The following LRP1B variants were observed in gnomAD, a reference collection of about 807,000 sequenced individuals.
LRP1B encodes LDL receptor related protein 1B.
A neutral mutation model predicts 556.6 loss-of-function variants in LRP1B; 217 were observed. That is an observed-to-expected ratio of 0.39 (90% CI 0.35 to 0.44). The LOEUF (loss-of-function observed/expected upper bound fraction) is 0.44. Among genes scored for constraint, LRP1B ranks in the 20% least tolerant of loss-of-function variants. LRP1B has a pLI of 1.00. For synonymous variants in LRP1B, 2,047 were observed against 1,865.8 expected (o/e 1.10, Z -2.50); for missense variants, 5,053 against 5,620.8 (o/e 0.90, Z 3.23).
intron 1 of LRP1B, among the ~76,000 whole-genome samples, chr2:141,815,287 G>C (rs571940445): frequency 6.6e-6 from 1 of 152,300 alleles, no homozygotes; most frequent in East Asian, 1.9e-4. Flanking sequence ...GTTTTCTCAA[G>C]GAACTGAGAA....
At chr2:140,324,672 TTATAGAATA>T (rs1680361561) in intron 80 of LRP1B, among the ~76,000 whole-genome samples, 1 of 152,070 alleles carries the variant, frequency 6.6e-6, no homozygotes, top group Non-Finnish European at 1.5e-5. Flanking sequence ...TTCAGAGATT[TTATAGAATA>T]ATTATTCTAA....
chr2:141,084,518 A>G (rs1700000239), intron 7 of LRP1B, among the ~76,000 whole-genome samples: 1 of 152,220 alleles, frequency 6.6e-6, no homozygotes, highest in South Asian at 2.1e-4. Context: ...TTATAGTACA[A>G]TTTATACTTT....
intron 1 of LRP1B, among the ~76,000 whole-genome samples, chr2:141,878,587 G>T (rs1033268121): frequency 2.6e-5 from 4 of 151,900 alleles, no homozygotes; most frequent in African/African-American, 9.7e-5. Flanking sequence ...TCAAAAGAAA[G>T]ATAGTAATAT....
intron 1 of LRP1B, among the ~76,000 whole-genome samples, chr2:141,956,909 T>C (rs1048740141): frequency 6.6e-6 from 1 of 152,052 alleles, no homozygotes; most frequent in Non-Finnish European, 1.5e-5. Flanking sequence ...GAAAGTTCTT[T>C]AGTGCCCTAA....
rs915319157 is a variant in LRP1B, at chr2:141,540,730, A to G, written c.206-60197T>C. ...TTACAATAAATACCACATTGTTATG[A>G]TGAACTTGTGCTATTTTAGGATCAC... On this transcript the variant is annotated intron_variant, in intron 2 of 90. Transcript: ENST00000389484. Among the ~76,000 whole-genome samples the G allele has an allele frequency of 2.0e-5, 3 of 152,056 alleles. No homozygotes were observed. In the East Asian group the frequency reaches 5.8e-4, roughly 29 times the overall value.
In LRP1B at chr2:140,884,002, C is replaced by A. The variant is rs1205183402; in HGVS notation, c.3984G>T (p.Val1328=). The change falls in exon 25 of 91, where the codon GTG becomes GTT. Residue 1328 remains valine (V), a synonymous_variant. Coordinates refer to ENST00000389484, the MANE Select transcript of LRP1B (RefSeq NM_018557.3). ...SESGGVSAIE[V]VVEHGLATPE... ...GAGTAGCCAGGCCATGCTCCACAAC[C>A]ACTTCAATGGCACTGACACCTACAA... 1.2e-6 allele frequency: 2 copies of A among 1,612,638 alleles called. No homozygotes were observed. Among genetic ancestry groups the A allele is most frequent in the East Asian group, 2.2e-5 (1 of 44,840 alleles).
chr2:141,299,730 C>G (rs1438308117), intron 3 of LRP1B, among the ~76,000 whole-genome samples: 1 of 152,160 alleles, frequency 6.6e-6, no homozygotes, highest in Non-Finnish European at 1.5e-5. Flanking sequence ...TAAAATTAAT[C>G]ACACTTTAAC....
chr2:141,069,247 G>C (rs1699568238), intron 7 of LRP1B, among the ~76,000 whole-genome samples: 1 of 151,878 alleles, frequency 6.6e-6, no homozygotes, highest in Admixed American at 6.6e-5. Context: ...CTTTCAACTT[G>C]CCTTTCATTT....
intron 3 of LRP1B, among the ~76,000 whole-genome samples, chr2:141,314,873 T>TACATATAC (rs1443803384): frequency 7.1e-6 from 1 of 140,120 alleles, no homozygotes; most frequent in African/African-American, 2.6e-5. Context: ...TATACATATA[T>TACATATAC]ACATACATAT....
At chr2:141,943,260 G>A (rs1220947686) in intron 1 of LRP1B, among the ~76,000 whole-genome samples, 1 of 151,960 alleles carries the variant, frequency 6.6e-6, no homozygotes. Context: ...TTTATTATGT[G>A]GATTCCAAGT....
At chr2:141,544,996 A>G (rs1025562574) in intron 2 of LRP1B, among the ~76,000 whole-genome samples, 7 of 152,116 alleles carry the variant, frequency 4.6e-5, no homozygotes, top group Non-Finnish European at 2.9e-5. Context: ...AAGTGTTTAA[A>G]TTTATTATCT....
In LRP1B at chr2:141,081,127, C is replaced by A. The variant is rs527966280; in HGVS notation, c.1014-18854G>T. ...GGACTATAGGCATGAACCACTGCACCCAGCAGAGCATTTGCTTTGAATATC... is the reference window on the plus strand; with the variant it reads ...GGACTATAGGCATGAACCACTGCACACAGCAGAGCATTTGCTTTGAATATC... On this transcript the variant is annotated intron_variant, in intron 7 of 90. Transcript: ENST00000389484. Among the ~76,000 whole-genome samples, 11 of 152,266 alleles carry A rather than the reference C, an allele frequency of 7.2e-5. No individual in the cohort carries two copies. The East Asian group carries it at 2.1e-3, about 29-fold the overall frequency.
chr2:140,936,202 T>C (rs1695199640), intron 20 of LRP1B, among the ~76,000 whole-genome samples: 1 of 151,248 alleles, frequency 6.6e-6, no homozygotes, highest in Non-Finnish European at 1.5e-5. Flanking sequence ...TAGCCAGGTA[T>C]GGTGGCATAC....
chr2:140,518,810 T>C (rs1454401226), intron 49 of LRP1B, among the ~76,000 whole-genome samples: 1 of 152,198 alleles, frequency 6.6e-6, no homozygotes, highest in Non-Finnish European at 1.5e-5. Flanking sequence ...AAGTTGTTTA[T>C]CAGCTTAAGG....
At chr2:140,387,595 T>G (rs2105202250) in intron 66 of LRP1B, among the ~76,000 whole-genome samples, 1 of 152,204 alleles carries the variant, frequency 6.6e-6, no homozygotes, top group Non-Finnish European at 1.5e-5. Context: ...TTTTAAGTAT[T>G]GCCTGAATTT....
intron 7 of LRP1B, among the ~76,000 whole-genome samples, chr2:141,094,624 T>G (rs1167938092): frequency 6.6e-6 from 1 of 152,204 alleles, no homozygotes; most frequent in Non-Finnish European, 1.5e-5. Context: ...CTGACCTTTC[T>G]GGGCTAAAGA....
intron 3 of LRP1B, among the ~76,000 whole-genome samples, chr2:141,459,383 C>T (rs781128869): frequency 6.6e-6 from 1 of 152,146 alleles, no homozygotes; most frequent in Non-Finnish European, 1.5e-5. Flanking sequence ...ACGGATCCTG[C>T]TATGACATAA....
At chr2:140,802,630 C>G (rs1016056293) in intron 32 of LRP1B, among the ~76,000 whole-genome samples, 1 of 152,164 alleles carries the variant, frequency 6.6e-6, no homozygotes, top group African/African-American at 2.4e-5. Context: ...TCTAGTGATG[C>G]TTTATATGAG....
intron 1 of LRP1B, among the ~76,000 whole-genome samples, chr2:141,819,933 T>C (rs899866891): frequency 2.0e-5 from 3 of 152,154 alleles, no homozygotes; most frequent in African/African-American, 7.2e-5. Context: ...TGCCAATAAT[T>C]ACACATTATT....
Sources: allele counts gnomAD v4.1 joint callset (sites outside exome capture counted in the v4.1 genomes callset), GRCh38; gene constraint gnomAD v4.1.1; transcripts MANE v1.5; gene names NCBI Gene and HGNC (gene_info 2026-07-23, HGNC 2026-07-21).